The following NTRK2 variants were observed in gnomAD, a reference collection of about 807,000 sequenced individuals.
NTRK2 encodes neurotrophic receptor tyrosine kinase 2, also known as BDNF/NT-3 growth factors receptor.
A neutral mutation model predicts 94.5 loss-of-function variants in NTRK2; 13 were observed. That is an observed-to-expected ratio of 0.14 (90% confidence interval 0.09 to 0.22). NTRK2 has a LOEUF of 0.22. Among genes scored for constraint, NTRK2 ranks in the 10% least tolerant of loss-of-function variants. The pLI is 1.00. For missense variants in NTRK2, 639 were observed against 1,071.2 expected (o/e 0.60, Z 5.63); for synonymous variants, 372 against 407.4 (o/e 0.91, Z 1.05).
At chr9:84,905,324 A>G (rs1466286704) in intron 14 of NTRK2, among the ~76,000 whole-genome samples, 2 of 151,546 alleles carry the variant, frequency 1.3e-5, no homozygotes, top group Non-Finnish European at 2.9e-5. Context: ...GAAACCAGGC[A>G]TGTGCAAGGA....
chr9:84,732,029 A>T (rs1012972397), intron 9 of NTRK2, among the ~76,000 whole-genome samples: 8 of 152,194 alleles, frequency 5.3e-5, no homozygotes, highest in African/African-American at 1.9e-4. Context: ...TACTAAATCG[A>T]TCACTTTGGG....
chr9:84,679,559 G>T (rs12555252), intron 2 of NTRK2, among the ~76,000 whole-genome samples: 1 of 152,096 alleles, frequency 6.6e-6, no homozygotes, highest in African/African-American at 2.4e-5. Context: ...GACAGTATCA[G>T]GGTCTGGGAT....
rs61035000 is a variant in NTRK2, at chr9:84,944,192, TTCTCTC to T, written c.1765-4251_1765-4246del. ...TGGCGTTTCAAAAAAGAAAAGCTTG[TTCTCTC>T]TCTCTCTCTCTCTCTCTCACACACA... On this transcript the variant is annotated intron_variant, in intron 15 of 18. Coordinates refer to ENST00000277120, the MANE Select transcript of NTRK2 (RefSeq NM_006180.6). Among the ~76,000 whole-genome samples, 38 of 135,200 alleles carry T rather than the reference TTCTCTC, an allele frequency of 2.8e-4. 1 individual carries two copies. Among genetic ancestry groups the T allele is most frequent in the African/African-American group, 7.3e-4 (26 of 35,612 alleles). 88.7% of individuals were successfully genotyped at this position (135,200 alleles called of 152,430 possible). A position where few individuals can be genotyped will look rare whatever the true frequency, so the allele number is the denominator to read the frequency against.
intron 17 of NTRK2, among the ~76,000 whole-genome samples, chr9:85,002,401 C>A (rs1830431028): frequency 6.6e-6 from 1 of 152,112 alleles, no homozygotes; most frequent in Admixed American, 6.6e-5. Context: ...CAGAAGCTTC[C>A]CAGGTGCTGT....
At chr9:84,832,905 G>T (rs975558625) in intron 12 of NTRK2, among the ~76,000 whole-genome samples, 1 of 151,942 alleles carries the variant, frequency 6.6e-6, no homozygotes, top group Non-Finnish European at 1.5e-5. Context: ...AGATAATATC[G>T]GCAGCCACCC....
At chr9:84,693,958 A>G (rs752717064) in intron 2 of NTRK2, among the ~76,000 whole-genome samples, 1 of 152,232 alleles carries the variant, frequency 6.6e-6, no homozygotes, top group South Asian at 2.1e-4. Flanking sequence ...TTGTTGCTCT[A>G]TGTAAATATA....
At chr9:84,975,093 C>A (rs1022126126) in intron 17 of NTRK2, among the ~76,000 whole-genome samples, 1 of 152,144 alleles carries the variant, frequency 6.6e-6, no homozygotes, top group Non-Finnish European at 1.5e-5. Context: ...GGGGAGCACA[C>A]ACAAGCTGCT....
At chr9:84,892,555 A>G (rs1270705604) in intron 14 of NTRK2, among the ~76,000 whole-genome samples, 1 of 152,258 alleles carries the variant, frequency 6.6e-6, no homozygotes, top group East Asian at 1.9e-4. Context: ...TCATCAGTCC[A>G]TCCATTTCTA....
chr9:84,897,140 A>AT (rs79708333), intron 14 of NTRK2, among the ~76,000 whole-genome samples: 9,554 of 150,572 alleles, frequency 0.063, 879 homozygotes, highest in African/African-American at 0.2. Flanking sequence ...CTGAGCCCCC[A>AT]TTTTTTTTTC....
At chr9:84,718,105 C>T (rs926305563) in intron 6 of NTRK2, among the ~76,000 whole-genome samples, 1 of 150,730 alleles carries the variant, frequency 6.6e-6, no homozygotes, top group Admixed American at 6.6e-5. Context: ...ATTTTTTTCC[C>T]TCTAGAATCT....
At position 84,745,066 on chromosome 9, in the gene NTRK2, A is replaced by G. The variant is rs777735763; in HGVS notation, c.1289A>G (p.His430Arg). The change falls in exon 11 of 19, where the codon CAT (histidine) becomes CGT (arginine). Residue 430 changes from histidine to arginine, a missense_variant. Transcript: ENST00000277120. ...GTCACTGATAAAACCGGTCGGGAACATCTCTCGGTGAGTGGAATAAATAGG... is the reference window on the plus strand; with the variant it reads ...GTCACTGATAAAACCGGTCGGGAACGTCTCTCGGTGAGTGGAATAAATAGG... ...TDVTDKTGRE[H>R]LSVYAVVVIA... 1 of 1,611,760 alleles carries G rather than the reference A, an allele frequency of 6.2e-7. No homozygotes were observed. The highest frequency in any genetic ancestry group is 1.1e-5 in the South Asian group (1 of 90,984).
chr9:84,821,991 C>T (rs577957733), intron 12 of NTRK2, among the ~76,000 whole-genome samples: 1 of 152,294 alleles, frequency 6.6e-6, no homozygotes, highest in Non-Finnish European at 1.5e-5. Flanking sequence ...GTTTGGGATA[C>T]AGAGAGTGAC....
At chr9:84,926,106 T>TCCC (rs2077759378) in intron 14 of NTRK2, among the ~76,000 whole-genome samples, 58 of 108,802 alleles carry the variant, frequency 5.3e-4, no homozygotes, top group African/African-American at 2.2e-3. Context: ...CCTTCCTTCC[T>TCCC]TTCCTTCCTT....
rs147947288 is a variant in NTRK2, at chr9:84,799,263, T to C, written c.1396+47178T>C. The stretch of plus-strand genomic sequence containing the variant: ...TACTCTGTGCCTTCAAGATCATGCT[T>C]CAAGGCTCCTTTTCTCAGCCTGCTG... On this transcript the variant is annotated intron_variant, in intron 12 of 18. Coordinates refer to ENST00000277120, the MANE Select transcript of NTRK2 (RefSeq NM_006180.6). 6.6e-5 allele frequency among the ~76,000 whole-genome samples: 10 copies of C among 152,282 alleles called. No individual in the cohort carries two copies. The East Asian group carries it at 1.7e-3, about 26-fold the overall frequency.
chr9:84,742,776 G>T (rs2132327203), intron 10 of NTRK2, among the ~76,000 whole-genome samples: 1 of 141,638 alleles, frequency 7.1e-6, no homozygotes, highest in Non-Finnish European at 1.5e-5. Context: ...AGAAACCAAA[G>T]TCCATTATAT....
chr9:84,963,315 T>C (rs1293556091), intron 17 of NTRK2, among the ~76,000 whole-genome samples: 1 of 152,170 alleles, frequency 6.6e-6, no homozygotes, highest in Admixed American at 6.5e-5. Flanking sequence ...AAAACTGCAA[T>C]TCTGTTACAG....
chr9:84,814,765 T>C, intron 12 of NTRK2: 1 of 1,063,968 alleles, frequency 9.4e-7, no homozygotes, highest in South Asian at 4.5e-5. Flanking sequence ...CAATTCCATC[T>C]AGCATAGGGT....
At chr9:84,961,445 C>A (rs1824913988) in intron 17 of NTRK2, among the ~76,000 whole-genome samples, 1 of 152,162 alleles carries the variant, frequency 6.6e-6, no homozygotes, top group South Asian at 2.1e-4. Context: ...TCAGAGGAAC[C>A]CGTCTGCCAG....
chr9:84,947,334 T>G (rs1286634015), intron 15 of NTRK2, among the ~76,000 whole-genome samples: 4 of 152,156 alleles, frequency 2.6e-5, no homozygotes, highest in African/African-American at 9.7e-5. Context: ...CACCTCAAGA[T>G]CCTTAACTTA....
Sources: gnomAD v4.1 joint callset for allele counts (sites outside exome capture counted in the v4.1 genomes callset) on GRCh38, gnomAD v4.1.1 for gene constraint, MANE v1.5 for transcripts, NCBI Gene and HGNC (gene_info 2026-07-23, HGNC 2026-07-21) for gene names.